The following RCAN2 variants were observed in gnomAD, a reference collection of about 807,000 sequenced individuals.
RCAN2 encodes the protein calcipressin-2.
RCAN2 carries 9 observed loss-of-function variants against 23.6 expected under a neutral mutation model. The observed-to-expected ratio is 0.38, with a 90% CI of 0.23 to 0.67. The LOEUF is 0.67. Among genes scored for constraint, RCAN2 ranks in the 30% least tolerant of loss-of-function variants. The pLI is 0.51. For synonymous variants in RCAN2, 109 were observed against 115.7 expected, an observed-to-expected ratio of 0.94 and a Z score of 0.37; for missense variants, 273 against 302.3, an observed-to-expected ratio of 0.90 and a Z score of 0.72.
chr6:46,391,091 C>T (rs919514621), intron 2 of RCAN2, among the ~76,000 whole-genome samples: 5 of 152,178 alleles, frequency 3.3e-5, no homozygotes, highest in South Asian at 2.1e-4. Context: ...AGCTCAGCTC[C>T]ACTTTCTTTA....
chr6:46,476,469 G>T lies in RCAN2; in HGVS notation c.-3+14704C>A, dbSNP rs535041751. On this transcript the variant is annotated intron_variant, in intron 1 of 4. Transcript: ENST00000371374. Reference sequence around the variant, plus strand: ...CTTCATGAGTGCTTGTTACATGCAAGATGCTTAGTCATGAAGGACATAGTG... The same window carrying T: ...CTTCATGAGTGCTTGTTACATGCAATATGCTTAGTCATGAAGGACATAGTG... 2.0e-5 allele frequency among the ~76,000 whole-genome samples: 3 copies of T among 152,334 alleles called. No individual in the cohort carries two copies. The South Asian group carries it at 6.2e-4, about 32-fold the overall frequency.
At chr6:46,350,923 A>G (rs573348371) in intron 2 of RCAN2, among the ~76,000 whole-genome samples, 1 of 152,248 alleles carries the variant, frequency 6.6e-6, no homozygotes, top group South Asian at 2.1e-4. Flanking sequence ...ACTGCCTCTC[A>G]TGAGAGTGCT....
chr6:46,389,386 T>C (rs965544846), intron 2 of RCAN2, among the ~76,000 whole-genome samples: 1 of 152,174 alleles, frequency 6.6e-6, no homozygotes, highest in African/African-American at 2.4e-5. Flanking sequence ...TATTTATTCT[T>C]CCAGACTCAG....
intron 2 of RCAN2, among the ~76,000 whole-genome samples, chr6:46,443,114 C>G (rs573575118): frequency 2.0e-5 from 3 of 152,260 alleles, no homozygotes; most frequent in Admixed American, 1.3e-4. Context: ...ACAAATATAA[C>G]TATAAATGTC....
At chr6:46,338,298 T>A (rs1035689349) in intron 2 of RCAN2, among the ~76,000 whole-genome samples, 1 of 152,038 alleles carries the variant, frequency 6.6e-6, no homozygotes, top group Non-Finnish European at 1.5e-5. Context: ...ACTGGAACCC[T>A]CCCAATGCTG....
At chr6:46,413,178 A>G (rs1346800101) in intron 2 of RCAN2, among the ~76,000 whole-genome samples, 2 of 152,222 alleles carry the variant, frequency 1.3e-5, no homozygotes, top group Non-Finnish European at 2.9e-5. Flanking sequence ...ATTATATTTT[A>G]AATTTTCAAC....
intron 2 of RCAN2, among the ~76,000 whole-genome samples, chr6:46,440,645 TATC>T (rs1352264021): frequency 6.6e-6 from 1 of 151,976 alleles, no homozygotes; most frequent in Non-Finnish European, 1.5e-5. Flanking sequence ...AGAAATAAAA[TATC>T]AGGATCAATA....
At chr6:46,410,671 A>G (rs1766524903) in intron 2 of RCAN2, among the ~76,000 whole-genome samples, 5 of 152,276 alleles carry the variant, frequency 3.3e-5, no homozygotes, top group Admixed American at 2.0e-4. Context: ...GTTCCAGATT[A>G]GAAACTGGCC....
intron 2 of RCAN2, among the ~76,000 whole-genome samples, chr6:46,439,174 G>T (rs760132840): frequency 6.6e-6 from 1 of 152,164 alleles, no homozygotes; most frequent in Non-Finnish European, 1.5e-5. Flanking sequence ...GCCCTGTTCA[G>T]CAAGAAACAT....
chr6:46,322,985 A>G (rs926384816), intron 2 of RCAN2, among the ~76,000 whole-genome samples: 1 of 152,192 alleles, frequency 6.6e-6, no homozygotes, highest in African/African-American at 2.4e-5. Flanking sequence ...CACAACGTAG[A>G]TCTTTGCTTT....
At chr6:46,281,258 T>C (rs1767902105) in intron 2 of RCAN2, among the ~76,000 whole-genome samples, 1 of 152,232 alleles carries the variant, frequency 6.6e-6, no homozygotes, top group African/African-American at 2.4e-5. Flanking sequence ...GGCATCTGCC[T>C]TTATTATAGG....
At chr6:46,450,681 G>C (rs558831393) in intron 2 of RCAN2, among the ~76,000 whole-genome samples, 1 of 152,060 alleles carries the variant, frequency 6.6e-6, no homozygotes, top group East Asian at 1.9e-4. Context: ...AAATAAGCCA[G>C]GTACAGAAAG....
intron 2 of RCAN2, among the ~76,000 whole-genome samples, chr6:46,339,014 CAAAAAAAAA>C (rs3997300): frequency 2.1e-5 from 1 of 47,092 alleles, no homozygotes; most frequent in Non-Finnish European, 3.6e-5. Context: ...GACCCTGTCT[CAAAAAAAAA>C]AAAAAAAAAA....
At chr6:46,463,452 C>T (rs976182670) in intron 1 of RCAN2, among the ~76,000 whole-genome samples, 1 of 152,080 alleles carries the variant, frequency 6.6e-6, no homozygotes, top group African/African-American at 2.4e-5. Flanking sequence ...GTGGTGATAT[C>T]CAATAAGAAA....
chr6:46,421,568 A>G (rs1328312975), intron 2 of RCAN2, among the ~76,000 whole-genome samples: 2 of 152,196 alleles, frequency 1.3e-5, no homozygotes, highest in African/African-American at 4.8e-5. Context: ...GCAACTCACA[A>G]ACTCCTACTC....
At chr6:46,234,647 G>T (rs951875556) in intron 4 of RCAN2, among the ~76,000 whole-genome samples, 1 of 152,230 alleles carries the variant, frequency 6.6e-6, no homozygotes, top group African/African-American at 2.4e-5. Context: ...AGGACCAAAA[G>T]TCACCAACAA....
At chr6:46,478,836 C>T (rs1296072139) in intron 1 of RCAN2, among the ~76,000 whole-genome samples, 1 of 152,186 alleles carries the variant, frequency 6.6e-6, no homozygotes, top group Non-Finnish European at 1.5e-5. Context: ...TTGTCATTAT[C>T]TTCTCTGCTT....
chr6:46,473,298 C>T (rs1374711607), intron 1 of RCAN2, among the ~76,000 whole-genome samples: 1 of 152,020 alleles, frequency 6.6e-6, no homozygotes, highest in East Asian at 1.9e-4. Context: ...ATGACTCTAC[C>T]TTATAGCTTC....
At chr6:46,358,864 G>A (rs1300195990) in intron 2 of RCAN2, among the ~76,000 whole-genome samples, 1 of 152,182 alleles carries the variant, frequency 6.6e-6, no homozygotes, top group Non-Finnish European at 1.5e-5. Context: ...TGGGACCTAA[G>A]CATTGGTGTC....
Sources: allele counts gnomAD v4.1 joint callset (sites outside exome capture counted in the v4.1 genomes callset), GRCh38; gene constraint gnomAD v4.1.1; transcripts MANE v1.5; gene names NCBI Gene and HGNC (gene_info 2026-07-23, HGNC 2026-07-21).